The following GLIS3 variants were observed in gnomAD, a reference collection of about 807,000 sequenced individuals.
The protein encoded by GLIS3 is GLIS family zinc finger 3.
Under a neutral mutation model 78.6 loss-of-function variants are expected in GLIS3, and 53 were observed. The observed-to-expected ratio is 0.67, with a 90% confidence interval of 0.54 to 0.85. The LOEUF is 0.85. Ranked by LOEUF, GLIS3 falls within the 40% of genes least tolerant of loss-of-function variation. The pLI is 0.00. For synonymous variants in GLIS3, 684 were observed against 509.9 expected, an observed-to-expected ratio of 1.34 and a Z score of -4.60; for missense variants, 1,703 against 1,231.1, an observed-to-expected ratio of 1.38 and a Z score of -5.74.
intron 4 of GLIS3, among the ~76,000 whole-genome samples, chr9:4,117,173 G>C (rs951188541): frequency 6.6e-6 from 1 of 152,132 alleles, no homozygotes; most frequent in African/African-American, 2.4e-5. Flanking sequence ...AGGATCCTGT[G>C]AGATTCTGCT....
At chr9:3,926,370 A>G (rs1040598404) in intron 6 of GLIS3, among the ~76,000 whole-genome samples, 1 of 151,608 alleles carries the variant, frequency 6.6e-6, no homozygotes, top group African/African-American at 2.4e-5. Context: ...AGCTGGGACT[A>G]AAGGCGCCAG....
intron 7 of GLIS3, among the ~76,000 whole-genome samples, chr9:3,885,685 G>C (rs921521347): frequency 3.3e-5 from 5 of 152,330 alleles, no homozygotes; most frequent in African/African-American, 1.2e-4. Flanking sequence ...AGCCCCATGT[G>C]AATGGTGAGT....
chr9:4,046,781 A>G (rs1331630084), intron 4 of GLIS3, among the ~76,000 whole-genome samples: 2 of 152,192 alleles, frequency 1.3e-5, no homozygotes, highest in Non-Finnish European at 2.9e-5. Flanking sequence ...TGAACTAGGC[A>G]TGTTTACTTG....
rs148802169 is a variant in GLIS3 at position 4,272,468 on chromosome 9, C to T, written c.388+13570G>A. On this transcript the variant is annotated intron_variant, in intron 2 of 10. Coordinates refer to ENST00000381971, the MANE Select transcript of GLIS3 (RefSeq NM_001042413.2). ...TCAGCATAACATGGGGTAAAAAATA[C>T]CCACCTCCTGCCGGGTGTGCTTGGG... Among the ~76,000 whole-genome samples, 7 of 152,210 alleles carry T rather than the reference C, an allele frequency of 4.6e-5. No individual in the cohort carries two copies. The East Asian group carries it at 1.4e-3, about 29-fold the overall frequency.
intron 4 of GLIS3, among the ~76,000 whole-genome samples, chr9:4,001,834 C>A (rs1821140978): frequency 6.6e-6 from 1 of 152,164 alleles, no homozygotes; most frequent in Non-Finnish European, 1.5e-5. Flanking sequence ...CTGGATACAT[C>A]TTCATTGTTC....
chr9:4,010,792 A>G (rs74337044), intron 4 of GLIS3, among the ~76,000 whole-genome samples: 2,104 of 152,262 alleles, frequency 0.014, 58 homozygotes, highest in African/African-American at 0.048. Flanking sequence ...CTCTTTGTGC[A>G]TCAAATACCT....
intron 8 of GLIS3, among the ~76,000 whole-genome samples, chr9:3,877,924 G>C (rs769477890): frequency 5.9e-4 from 90 of 152,006 alleles, no homozygotes; most frequent in Non-Finnish European, 1.0e-3. Flanking sequence ...GCCTATAATG[G>C]TTCTTCACTC....
chr9:3,852,382 C>T (rs1215374126), intron 9 of GLIS3, among the ~76,000 whole-genome samples: 2 of 152,262 alleles, frequency 1.3e-5, no homozygotes, highest in East Asian at 1.9e-4. Context: ...AGAGAACAAA[C>T]ACTCACTTGA....
the GLIS3 span, among the ~76,000 whole-genome samples, chr9:4,401,157 C>G: frequency 6.6e-6 from 1 of 152,194 alleles, no homozygotes; most frequent in Non-Finnish European, 1.5e-5. Flanking sequence ...ATTTCTATAT[C>G]TGTCCTGGGG....
chr9:3,999,089 G>C (rs1180104698), intron 4 of GLIS3, among the ~76,000 whole-genome samples: 1 of 151,744 alleles, frequency 6.6e-6, no homozygotes, highest in Admixed American at 6.6e-5. Flanking sequence ...CCTAGATATC[G>C]CACCACATCA....
chr9:4,003,265 C>A (rs1016768781), intron 4 of GLIS3, among the ~76,000 whole-genome samples: 2 of 152,186 alleles, frequency 1.3e-5, no homozygotes, highest in South Asian at 4.2e-4. Context: ...CATTATACCA[C>A]AAGAAACTGG....
At chr9:4,408,151 C>T in the GLIS3 span, among the ~76,000 whole-genome samples, 1 of 152,088 alleles carries the variant, frequency 6.6e-6, no homozygotes, top group Non-Finnish European at 1.5e-5. Flanking sequence ...AGGGAACCCT[C>T]GTACGCTGTC....
chr9:4,395,719 T>C, the GLIS3 span, among the ~76,000 whole-genome samples: 1 of 152,216 alleles, frequency 6.6e-6, no homozygotes, highest in Non-Finnish European at 1.5e-5. Context: ...CAAGCTTTTG[T>C]TATCGTTTAC....
chr9:4,369,643 T>G, the GLIS3 span, among the ~76,000 whole-genome samples: 1 of 152,102 alleles, frequency 6.6e-6, no homozygotes, highest in Non-Finnish European at 1.5e-5. Context: ...TAGCCCTCCA[T>G]TCCTCACATG....
chr9:4,432,843 G>C, the GLIS3 span, among the ~76,000 whole-genome samples: 1 of 151,738 alleles, frequency 6.6e-6, no homozygotes, highest in Non-Finnish European at 1.5e-5. Context: ...GTTTCATCAC[G>C]TTGCCCAGTC....
At chr9:4,246,316 G>C (rs1212241901) in intron 2 of GLIS3, among the ~76,000 whole-genome samples, 1 of 152,216 alleles carries the variant, frequency 6.6e-6, no homozygotes, top group Non-Finnish European at 1.5e-5. Context: ...GCAATGAAGA[G>C]CCTTTGCATA....
chr9:4,258,934 AAC>A (rs1308567314), intron 2 of GLIS3, among the ~76,000 whole-genome samples: 5 of 152,170 alleles, frequency 3.3e-5, no homozygotes, highest in Non-Finnish European at 5.9e-5. Flanking sequence ...CGTATTTATA[AAC>A]ACAGTTTTTC....
chr9:4,236,415 T>C (rs997980056), intron 2 of GLIS3, among the ~76,000 whole-genome samples: 2 of 152,204 alleles, frequency 1.3e-5, no homozygotes, highest in Admixed American at 1.3e-4. Flanking sequence ...TCCCACTTTT[T>C]AAAAGTATTT....
At chr9:4,186,435 T>A (rs185494957) in intron 2 of GLIS3, among the ~76,000 whole-genome samples, 1 of 152,056 alleles carries the variant, frequency 6.6e-6, no homozygotes, top group East Asian at 1.9e-4. Context: ...TCTTTGCTGT[T>A]GTGAATAGTG....
Sources: allele counts gnomAD v4.1 joint callset (sites outside exome capture counted in the v4.1 genomes callset), GRCh38; gene constraint gnomAD v4.1.1; transcripts MANE v1.5; gene names NCBI Gene and HGNC (gene_info 2026-07-23, HGNC 2026-07-21).